Variants in KCNH1 observed in about 807,000 individuals in gnomAD.
The protein encoded by KCNH1 is voltage-gated delayed rectifier potassium channel KCNH1.
In KCNH1, 27 loss-of-function variants were observed where a neutral mutation model predicts 69.2. The ratio of observed to expected loss-of-function variants is 0.39; its 90% CI spans 0.29 to 0.54. The LOEUF is 0.54. Among genes scored for constraint, KCNH1 ranks in the 20% least tolerant of loss-of-function variants. The pLI, the probability that KCNH1 is intolerant of heterozygous loss-of-function variation, is 0.68. For missense variants in KCNH1, 798 were observed against 1,261.6 expected, an observed-to-expected ratio of 0.63 and a Z score of 5.57; for synonymous variants, 456 against 487.7, an observed-to-expected ratio of 0.93 and a Z score of 0.86.
chr1:211,020,886 A>AC (rs1185816327), intron 5 of KCNH1, among the ~76,000 whole-genome samples: 2 of 152,158 alleles, frequency 1.3e-5, no homozygotes, highest in Non-Finnish European at 2.9e-5. Context: ...GGGAAAAAAA[A>AC]ATGATTATCT....
In KCNH1 at chr1:210,775,280, G is replaced by C. The variant is rs907274791; in HGVS notation, c.2112+68C>G. The C allele has an allele frequency of 6.6e-6, 9 of 1,370,018 alleles. No individual in the cohort carries two copies. In the Admixed American group the frequency reaches 1.7e-4, roughly 26 times the overall value. The allele number at this position is 1,370,018 out of a possible 1,614,324, so 84.9% of individuals were successfully genotyped here. On this transcript the variant is annotated intron_variant, in intron 10 of 10. Coordinates refer to ENST00000271751, the MANE Select transcript of KCNH1 (RefSeq NM_172362.3). ...AATAAACAGCAAAGGGACTTTTCTG[G>C]TCACAGTGATTATCCAAAGTGTACA...
At chr1:211,092,674 T>A (rs1366855356) in intron 3 of KCNH1, among the ~76,000 whole-genome samples, 1 of 152,216 alleles carries the variant, frequency 6.6e-6, no homozygotes, top group Non-Finnish European at 1.5e-5. Context: ...CTATTCCTCC[T>A]AGTCTTTTCC....
intron 5 of KCNH1, among the ~76,000 whole-genome samples, chr1:211,052,906 C>T (rs534381443): frequency 3.3e-5 from 5 of 152,330 alleles, no homozygotes; most frequent in East Asian, 1.9e-4. Flanking sequence ...ATGGCCATCT[C>T]GCTCCTCATG....
chr1:210,926,218 G>C (rs1020012642), intron 6 of KCNH1, among the ~76,000 whole-genome samples: 1 of 151,974 alleles, frequency 6.6e-6, no homozygotes, highest in African/African-American at 2.4e-5. Context: ...CAAGATGGCA[G>C]CACCATTGCC....
intron 6 of KCNH1, among the ~76,000 whole-genome samples, chr1:210,924,146 C>A (rs771745465): frequency 1.3e-5 from 2 of 152,232 alleles, no homozygotes; most frequent in African/African-American, 4.8e-5. Context: ...GCAATAGATT[C>A]TCTCCATGGC....
At chr1:210,747,881 T>C (rs763521218) in intron 10 of KCNH1, among the ~76,000 whole-genome samples, 3 of 152,132 alleles carry the variant, frequency 2.0e-5, no homozygotes, top group Non-Finnish European at 2.9e-5. Flanking sequence ...ATGTAATAAA[T>C]ACATAAAAAA....
intron 7 of KCNH1, among the ~76,000 whole-genome samples, chr1:210,882,344 T>C (rs772126921): frequency 2.0e-5 from 3 of 152,182 alleles, no homozygotes; most frequent in South Asian, 2.1e-4. Flanking sequence ...CATCCTCATC[T>C]GGGTGTGGGA....
chr1:211,121,874 G>A (rs1005948586), intron 1 of KCNH1, among the ~76,000 whole-genome samples: 3 of 152,158 alleles, frequency 2.0e-5, no homozygotes, highest in Non-Finnish European at 4.4e-5. Context: ...GGTAGCTCAC[G>A]CCTGTAATCC....
chr1:211,056,204 A>C (rs1320437267), intron 5 of KCNH1, among the ~76,000 whole-genome samples: 1 of 152,218 alleles, frequency 6.6e-6, no homozygotes, highest in Non-Finnish European at 1.5e-5. Flanking sequence ...CAGGATGGAC[A>C]GTATTTACCA....
chr1:210,754,060 G>T (rs1047688909), intron 10 of KCNH1, among the ~76,000 whole-genome samples: 2 of 151,582 alleles, frequency 1.3e-5, no homozygotes, highest in African/African-American at 4.8e-5. Flanking sequence ...GACTACAGGC[G>T]CCCGCCACTG....
chr1:210,998,921 C>T (rs1259417975), intron 6 of KCNH1, among the ~76,000 whole-genome samples: 3 of 152,142 alleles, frequency 2.0e-5, no homozygotes, highest in Non-Finnish European at 2.9e-5. Context: ...CTACTGGGTA[C>T]ATAATGAAAT....
intron 7 of KCNH1, among the ~76,000 whole-genome samples, chr1:210,893,721 TTATATG>T (rs1257431769): frequency 6.6e-6 from 1 of 152,108 alleles, no homozygotes; most frequent in Non-Finnish European, 1.5e-5. Context: ...CAGACTCCAA[TTATATG>T]TATATTTGCC....
At chr1:211,107,416 G>A in intron 1 of KCNH1, 39 bp from the exon 2 acceptor site, 7 of 1,588,218 alleles carry the variant, frequency 4.4e-6, no homozygotes, top group Non-Finnish European at 6.0e-6. Flanking sequence ...GGGCACATGA[G>A]GCAACACATT....
chr1:210,777,102 C>T (rs960264179), intron 9 of KCNH1, among the ~76,000 whole-genome samples: 1 of 152,206 alleles, frequency 6.6e-6, no homozygotes, highest in Admixed American at 6.5e-5. Context: ...AGCTCCACAG[C>T]TGAAATCAAA....
At chr1:210,966,039 C>G (rs1574366729) in intron 6 of KCNH1, among the ~76,000 whole-genome samples, 2 of 152,018 alleles carry the variant, frequency 1.3e-5, no homozygotes, top group Non-Finnish European at 2.9e-5. Context: ...AACAGATATA[C>G]AGACCAATGG....
chr1:210,956,297 G>T (rs748659380), intron 6 of KCNH1, among the ~76,000 whole-genome samples: 1 of 152,126 alleles, frequency 6.6e-6, no homozygotes, highest in African/African-American at 2.4e-5. Context: ...TGTTGGATTC[G>T]GTTTGCCAGT....
intron 10 of KCNH1, among the ~76,000 whole-genome samples, chr1:210,766,160 GT>G (rs1683626494): frequency 1.3e-5 from 2 of 152,288 alleles, no homozygotes; most frequent in South Asian, 4.1e-4. Context: ...TGGTTGGTTG[GT>G]TGTTTCACTG....
At chr1:210,820,136 G>A (rs532102159) in intron 7 of KCNH1, among the ~76,000 whole-genome samples, 14 of 152,264 alleles carry the variant, frequency 9.2e-5, no homozygotes, top group Non-Finnish European at 2.1e-4. Context: ...TTTTCACAGA[G>A]GAATAGATAA....
At chr1:210,946,584 C>T (rs1290600681) in intron 6 of KCNH1, among the ~76,000 whole-genome samples, 2 of 152,168 alleles carry the variant, frequency 1.3e-5, no homozygotes, top group Non-Finnish European at 2.9e-5. Flanking sequence ...ACACATCTCA[C>T]AATAAACAAG....
Sources: allele counts gnomAD v4.1 joint callset (sites outside exome capture counted in the v4.1 genomes callset), GRCh38; gene constraint gnomAD v4.1.1; transcripts MANE v1.5; gene names NCBI Gene and HGNC (gene_info 2026-07-23, HGNC 2026-07-21).